The following SLC44A5 variants were observed in gnomAD, a reference collection of about 807,000 sequenced individuals.
The protein encoded by SLC44A5 is choline transporter-like protein 5.
SLC44A5 carries 57 observed loss-of-function variants against 101.8 expected under a neutral mutation model. The observed-to-expected ratio is 0.56, with a 90% confidence interval of 0.45 to 0.70. SLC44A5 has a LOEUF of 0.70. SLC44A5 is among the 30% of genes least tolerant of loss of function. The pLI is 0.00. For synonymous variants in SLC44A5, 281 were observed against 290.9 expected (o/e 0.97, Z 0.35); for missense variants, 737 against 853.1 (o/e 0.86, Z 1.70).
At chr1:75,302,536 A>C (rs1654573147) in intron 4 of SLC44A5, among the ~76,000 whole-genome samples, 1 of 152,180 alleles carries the variant, frequency 6.6e-6, no homozygotes, top group African/African-American at 2.4e-5. Flanking sequence ...AGGCATTCTA[A>C]GACCCCTAGT....
At chr1:75,487,600 G>A (rs924428030) in intron 2 of SLC44A5, among the ~76,000 whole-genome samples, 1 of 152,170 alleles carries the variant, frequency 6.6e-6, no homozygotes, top group African/African-American at 2.4e-5. Flanking sequence ...TGAACCCTCT[G>A]AGGGCAAGGT....
chr1:75,719,032 T>C, the SLC44A5 span, among the ~76,000 whole-genome samples: 1 of 152,180 alleles, frequency 6.6e-6, no homozygotes, highest in African/African-American at 2.4e-5. Flanking sequence ...AGGCTTTGAC[T>C]GGAATGGTCT....
At chr1:75,360,378 C>T (rs1158572476) in intron 3 of SLC44A5, among the ~76,000 whole-genome samples, 1 of 151,760 alleles carries the variant, frequency 6.6e-6, no homozygotes, top group African/African-American at 2.4e-5. Flanking sequence ...CTTTGTTGTC[C>T]AGGCTGGTTT....
intron 2 of SLC44A5, among the ~76,000 whole-genome samples, chr1:75,516,008 C>T (rs1227401454): frequency 6.6e-6 from 1 of 151,486 alleles, no homozygotes; most frequent in Admixed American, 6.6e-5. Context: ...TTAGCAATGT[C>T]GAGTATTAAA....
intron 6 of SLC44A5, among the ~76,000 whole-genome samples, chr1:75,261,611 T>G (rs972761594): frequency 2.6e-5 from 4 of 152,082 alleles, no homozygotes; most frequent in Admixed American, 6.6e-5. Context: ...CTGGTACCAC[T>G]CCTTCTGAAA....
chr1:75,621,962 T>C, the SLC44A5 span, among the ~76,000 whole-genome samples: 9 of 152,148 alleles, frequency 5.9e-5, no homozygotes, highest in Non-Finnish European at 1.3e-4. Context: ...CACCATTATG[T>C]ACACATGAGA....
Position 75,458,951 on chromosome 1 carries a change from C to T in SLC44A5, c.14-62330G>A, listed in dbSNP as rs150490360. Among the ~76,000 whole-genome samples the T allele has an allele frequency of 1.7e-3, 256 of 152,042 alleles. 2 individuals carry two copies. The highest frequency in any genetic ancestry group is 5.6e-3 in the African/African-American group (233 of 41,468). On this transcript the variant is annotated intron_variant, in intron 2 of 23. Coordinates refer to ENST00000370859, the MANE Select transcript of SLC44A5 (RefSeq NM_001130058.2). Reference sequence around the variant, plus strand: ...GTGGAATTTCCATACAAAAATAATACGGATCTAGAGTTCAAGAAAGAGGTT... The same window carrying T: ...GTGGAATTTCCATACAAAAATAATATGGATCTAGAGTTCAAGAAAGAGGTT...
chr1:75,286,486 A>G (rs891459266), intron 5 of SLC44A5, among the ~76,000 whole-genome samples: 3 of 152,188 alleles, frequency 2.0e-5, no homozygotes, highest in African/African-American at 7.2e-5. Flanking sequence ...TAGTATTGAA[A>G]AGTGAGGTAC....
chr1:75,616,948 G>C, the SLC44A5 span, among the ~76,000 whole-genome samples: 5 of 152,160 alleles, frequency 3.3e-5, no homozygotes, highest in Non-Finnish European at 7.3e-5. Context: ...TTCTCTCTCT[G>C]ATTGGGGGTT....
At chr1:75,305,285 T>C (rs1010508968) in intron 4 of SLC44A5, among the ~76,000 whole-genome samples, 5 of 152,156 alleles carry the variant, frequency 3.3e-5, no homozygotes, top group African/African-American at 9.7e-5. Flanking sequence ...TTTCTTTCTA[T>C]TGATGTTGCC....
the SLC44A5 span, chr1:75,641,459 CTT>C: frequency 7.2e-7 from 1 of 1,384,656 alleles, no homozygotes; most frequent in Non-Finnish European, 1.0e-6. Flanking sequence ...TCTAAAGAGT[CTT>C]TGACTTCCAC....
At chr1:75,581,186 C>G (rs922294830) in intron 1 of SLC44A5, among the ~76,000 whole-genome samples, 1 of 152,124 alleles carries the variant, frequency 6.6e-6, no homozygotes, top group Non-Finnish European at 1.5e-5. Context: ...CTTTCATTAC[C>G]AAGAGTATCA....
intron 3 of SLC44A5, among the ~76,000 whole-genome samples, chr1:75,359,383 T>C (rs1322014591): frequency 1.3e-5 from 2 of 151,260 alleles, no homozygotes; most frequent in African/African-American, 2.4e-5. Context: ...TACAGGGGCA[T>C]GCCACCACGC....
At chr1:75,440,732 T>TA (rs1665147495) in intron 2 of SLC44A5, among the ~76,000 whole-genome samples, 1 of 152,048 alleles carries the variant, frequency 6.6e-6, no homozygotes, top group African/African-American at 2.4e-5. Flanking sequence ...ACAAGGGTGG[T>TA]AGTGTGCTTT....
the SLC44A5 span, among the ~76,000 whole-genome samples, chr1:75,671,130 T>C: frequency 6.6e-6 from 1 of 152,146 alleles, no homozygotes; most frequent in Non-Finnish European, 1.5e-5. Context: ...GTGGTTTGTT[T>C]GAATAACTTA....
At chr1:75,228,195 C>T (rs1208063159) in intron 12 of SLC44A5, among the ~76,000 whole-genome samples, 2 of 152,092 alleles carry the variant, frequency 1.3e-5, no homozygotes, top group African/African-American at 4.8e-5. Context: ...AAGGTTTATA[C>T]CTAATACGAA....
At position 75,213,658 on chromosome 1, in the gene SLC44A5, G is replaced by A. The variant is rs750235947; in HGVS notation, c.1962+47C>T. The A allele has an allele frequency of 3.3e-5, 42 of 1,291,950 alleles. 2 individuals are homozygous for A. The South Asian group carries it at 5.1e-4, about 16-fold the overall frequency. 80.0% of individuals were successfully genotyped at this position (1,291,950 alleles called of 1,614,324 possible). A position where few individuals can be genotyped will look rare whatever the true frequency, so the allele number is the denominator to read the frequency against. On this transcript the variant is annotated intron_variant, in intron 22 of 23. Transcript: ENST00000370859. ...TGTTGTTTAAGTCATCCAGTCTATAGTATTTTTATTATAGCAGCCTGTACT... is the reference window on the plus strand; with the variant it reads ...TGTTGTTTAAGTCATCCAGTCTATAATATTTTTATTATAGCAGCCTGTACT...
intron 2 of SLC44A5, among the ~76,000 whole-genome samples, chr1:75,483,523 T>C (rs1667986788): frequency 6.6e-6 from 1 of 152,198 alleles, no homozygotes; most frequent in Admixed American, 6.5e-5. Flanking sequence ...GACCCTCGAA[T>C]AAAAGAGTTG....
chr1:75,566,584 T>A (rs1276951414), intron 1 of SLC44A5, among the ~76,000 whole-genome samples: 1 of 152,216 alleles, frequency 6.6e-6, no homozygotes, highest in Admixed American at 6.5e-5. Flanking sequence ...TCTTTAAAAA[T>A]CACTCTCAAA....
Sources: allele counts gnomAD v4.1 joint callset (sites outside exome capture counted in the v4.1 genomes callset), GRCh38; gene constraint gnomAD v4.1.1; transcripts MANE v1.5; gene names NCBI Gene and HGNC (gene_info 2026-07-23, HGNC 2026-07-21).